The following TMTC2 variants were observed in gnomAD, a reference collection of about 807,000 sequenced individuals.
TMTC2 encodes the protein transmembrane O-mannosyltransferase targeting cadherins 2.
Under a neutral mutation model 82.4 loss-of-function variants are expected in TMTC2, and 43 were observed. The ratio of observed to expected loss-of-function variants is 0.52; its 90% CI spans 0.41 to 0.67. TMTC2 has a LOEUF of 0.67. Among genes scored for constraint, TMTC2 ranks in the 30% least tolerant of loss-of-function variants. The pLI is 0.00. For missense variants in TMTC2, 919 were observed against 1,012.4 expected (o/e 0.91, Z 1.25); for synonymous variants, 408 against 381.9 (o/e 1.07, Z -0.80).
intron 3 of TMTC2, among the ~76,000 whole-genome samples, chr12:82,906,924 T>G (rs1874346022): frequency 6.6e-6 from 1 of 152,130 alleles, no homozygotes; most frequent in Non-Finnish European, 1.5e-5. Flanking sequence ...AAGGAAATTA[T>G]GTGTTTTGTC....
intron 1 of TMTC2, among the ~76,000 whole-genome samples, chr12:82,749,886 C>T (rs1400722581): frequency 6.6e-6 from 1 of 151,936 alleles, no homozygotes; most frequent in Non-Finnish European, 1.5e-5. Context: ...TACAGGCATG[C>T]ACCACCACGC....
At chr12:82,705,575 A>C (rs1164762624) in intron 1 of TMTC2, among the ~76,000 whole-genome samples, 1 of 152,222 alleles carries the variant, frequency 6.6e-6, no homozygotes, top group Non-Finnish European at 1.5e-5. Context: ...TCTATTCAAA[A>C]TTTTGGAGAA....
rs1273738899 is a variant in TMTC2 at position 82,965,594 on chromosome 12, C to A, written c.1719C>A (p.Asn573Lys). The A allele has an allele frequency of 6.2e-7, 1 of 1,613,536 alleles. No individual in the cohort carries two copies. Among genetic ancestry groups the A allele is most frequent in the African/African-American group, 1.3e-5 (1 of 74,878 alleles). The part of the protein sequence containing the change: ...AYLNTGIILM[N>K]QGRTEEARRT... ...TAAATACCGGTATTATTCTAATGAA[C>A]CAAGGAAGGACGGAAGAAGCCCGAC... The change falls in exon 6 of 12, where the codon AAC becomes AAA. Residue 573 changes from asparagine (N) to lysine (K), a missense_variant. By Grantham distance (94) the Asn-to-Lys change is moderately conservative. Coordinates refer to ENST00000321196, the MANE Select transcript of TMTC2 (RefSeq NM_152588.3).
chr12:82,940,014 CTT>C lies in TMTC2; in HGVS notation c.1598+9491_1598+9492del, dbSNP rs71309537. On this transcript the variant is annotated intron_variant, in intron 4 of 11. Coordinates refer to ENST00000321196, the MANE Select transcript of TMTC2 (RefSeq NM_152588.3). Reference sequence around the variant, plus strand: ...ACATGTATTTCTTTTTCTTTCTTTACTTTTTTTTTTTTTTTTTTTTTTTGAGA... The same window carrying C: ...ACATGTATTTCTTTTTCTTTCTTTACTTTTTTTTTTTTTTTTTTTTTGAGA... Among the ~76,000 whole-genome samples, 661 of 91,188 alleles carry C rather than the reference CTT, an allele frequency of 7.2e-3. 1 individual carries two copies. Among genetic ancestry groups the C allele is most frequent in the African/African-American group, 0.025 (585 of 23,284 alleles). The allele number at this position is 91,188 out of a possible 152,430, so 59.8% of individuals were successfully genotyped here.
At chr12:83,019,561 C>T (rs555077724) in intron 8 of TMTC2, among the ~76,000 whole-genome samples, 1 of 152,244 alleles carries the variant, frequency 6.6e-6, no homozygotes, top group East Asian at 1.9e-4. Flanking sequence ...GTAGGCCAAT[C>T]TCAACAATTC....
At chr12:82,884,588 T>C (rs947011672) in intron 2 of TMTC2, among the ~76,000 whole-genome samples, 6 of 152,322 alleles carry the variant, frequency 3.9e-5, no homozygotes, top group South Asian at 2.1e-4. Context: ...CTAAGAGCTT[T>C]TATTCTACTG....
At chr12:83,005,607 G>A (rs1006510274) in intron 8 of TMTC2, among the ~76,000 whole-genome samples, 1 of 152,066 alleles carries the variant, frequency 6.6e-6, no homozygotes, top group Non-Finnish European at 1.5e-5. Flanking sequence ...CTGGATCTAC[G>A]TGCTCTGACC....
rs754823469 is a variant in TMTC2 at position 83,110,131 on chromosome 12, C to T, written c.2332-22079C>T. On this transcript the variant is annotated intron_variant, in intron 11 of 11. Coordinates refer to ENST00000321196, the MANE Select transcript of TMTC2 (RefSeq NM_152588.3). ...ACAGAGAACTTCCACTTGCTTCCAT[C>T]GTCACGTCTAACCATCTATTAACAT... Among the ~76,000 whole-genome samples the T allele has an allele frequency of 2.6e-5, 4 of 152,204 alleles. No individual in the cohort carries two copies. In the South Asian group the frequency reaches 6.2e-4, roughly 24 times the overall value.
chr12:83,060,118 A>G (rs1882686841), intron 10 of TMTC2, among the ~76,000 whole-genome samples: 1 of 151,724 alleles, frequency 6.6e-6, no homozygotes, highest in African/African-American at 2.4e-5. Flanking sequence ...TGACATTGAA[A>G]TTGAGCTTTA....
At chr12:82,931,877 G>A (rs541695463) in intron 4 of TMTC2, among the ~76,000 whole-genome samples, 5 of 152,172 alleles carry the variant, frequency 3.3e-5, no homozygotes, top group South Asian at 2.1e-4. Context: ...GTTCTGTGCC[G>A]TCTCTTGGTT....
At chr12:82,743,813 T>C (rs1368068752) in intron 1 of TMTC2, among the ~76,000 whole-genome samples, 1 of 152,254 alleles carries the variant, frequency 6.6e-6, no homozygotes, top group Non-Finnish European at 1.5e-5. Context: ...CCCTTAATAC[T>C]ACAGAAAATA....
intron 1 of TMTC2, among the ~76,000 whole-genome samples, chr12:82,815,460 G>A (rs943529557): frequency 6.6e-6 from 1 of 151,512 alleles, no homozygotes; most frequent in Admixed American, 6.6e-5. Flanking sequence ...ACAGGCGCCC[G>A]CCACCACGCC....
chr12:82,819,095 A>T (rs896457888), intron 1 of TMTC2, among the ~76,000 whole-genome samples: 3 of 152,054 alleles, frequency 2.0e-5, no homozygotes, highest in Non-Finnish European at 2.9e-5. Flanking sequence ...AGAATTATTT[A>T]TATACATCCT....
intron 7 of TMTC2, among the ~76,000 whole-genome samples, chr12:82,981,203 C>T (rs955015428): frequency 6.6e-6 from 1 of 151,756 alleles, no homozygotes; most frequent in African/African-American, 2.4e-5. Context: ...ACATAGGTTT[C>T]TTTAAAAATT....
In TMTC2 at chr12:82,882,263, T is replaced by C. The variant is rs373805582; in HGVS notation, c.655-13555T>C. 2.1e-4 allele frequency among the ~76,000 whole-genome samples: 32 copies of C among 152,192 alleles called. No individual in the cohort carries two copies. In the East Asian group the frequency reaches 2.1e-3, roughly 10 times the overall value. ...ATCCGCCCGCCTCGGCCTCCCAAAG[T>C]GCTGGGATTACAGGCGTGAGCCACC... On this transcript the variant is annotated intron_variant, in intron 2 of 11. Transcript: ENST00000321196.
At chr12:82,924,235 A>G (rs1875568893) in intron 3 of TMTC2, among the ~76,000 whole-genome samples, 1 of 152,160 alleles carries the variant, frequency 6.6e-6, no homozygotes, top group Admixed American at 6.5e-5. Context: ...ATGACCTATT[A>G]TAGGATTTTG....
At chr12:83,111,317 T>C (rs2137546315) in intron 11 of TMTC2, among the ~76,000 whole-genome samples, 1 of 152,360 alleles carries the variant, frequency 6.6e-6, no homozygotes, top group Admixed American at 6.5e-5. Flanking sequence ...ACATAGTAAA[T>C]ATTTCAAGCT....
chr12:82,939,786 T>G (rs1396577732), intron 4 of TMTC2, among the ~76,000 whole-genome samples: 1 of 152,084 alleles, frequency 6.6e-6, no homozygotes, highest in Non-Finnish European at 1.5e-5. Flanking sequence ...ATTTATATTT[T>G]AAAAGGCAAA....
intron 4 of TMTC2, among the ~76,000 whole-genome samples, chr12:82,952,106 T>A (rs1317094944): frequency 6.6e-6 from 1 of 151,884 alleles, no homozygotes; most frequent in Non-Finnish European, 1.5e-5. Context: ...CTCACTGAAC[T>A]TTTTTTTCTG....
Sources: gnomAD v4.1 joint callset for allele counts (sites outside exome capture counted in the v4.1 genomes callset) on GRCh38, gnomAD v4.1.1 for gene constraint, MANE v1.5 for transcripts, NCBI Gene and HGNC (gene_info 2026-07-23, HGNC 2026-07-21) for gene names.